ADCY7: variants seen among roughly 807,000 people sequenced by gnomAD.
The protein encoded by ADCY7 is adenylate cyclase 7, also known as adenylate cyclase type 7.
A neutral mutation model predicts 120.6 loss-of-function variants in ADCY7; 72 were observed. The ratio of observed to expected loss-of-function variants is 0.60; its 90% CI spans 0.49 to 0.73. ADCY7 has a LOEUF of 0.73. ADCY7 is among the 30% of genes least tolerant of loss of function. ADCY7 has a pLI of 0.00. For missense variants in ADCY7, 1,227 were observed against 1,486.0 expected (o/e 0.83, Z 2.87); for synonymous variants, 661 against 628.0 (o/e 1.05, Z -0.78).
Position 50,315,662 on chromosome 16 carries a change from T to C in ADCY7, c.*157T>C, listed in dbSNP as rs2036767994. 6.6e-6 allele frequency: 6 copies of C among 914,752 alleles called. No homozygotes were observed. Among genetic ancestry groups the C allele is most frequent in the Admixed American group, 5.7e-5 (2 of 35,362 alleles). The allele number at this position is 914,752 out of a possible 1,614,324, so 56.7% of individuals were successfully genotyped here. On this transcript the variant is annotated 3_prime_UTR_variant, in exon 26 of 26. Transcript: ENST00000673801. The stretch of plus-strand genomic sequence containing the variant: ...TGCACTGGAGGATTTCTCAGACACA[T>C]GCACCAGATTCTGGCTCGAAGCAGC...
rs1410523204 is a variant in ADCY7, at chr16:50,300,752, C to T, written c.1114C>T (p.Arg372Cys). 1.9e-6 allele frequency: 3 copies of T among 1,552,148 alleles called. No homozygotes were observed. Among genetic ancestry groups the T allele is most frequent in the Admixed American group, 2.0e-5 (1 of 51,054 alleles). The change falls in exon 9 of 26, where the codon CGT (arginine) becomes TGT (cysteine). Residue 372 changes from arginine to cysteine, a missense_variant. Physicochemically the swap from Arg to Cys is radical, Grantham distance 180. Coordinates refer to ENST00000673801, the MANE Select transcript of ADCY7 (RefSeq NM_001114.5). ...GGCCACGGGCGTGGACATCAACATG[C>T]GTGTGGGCATACACTCGGGGAATGT... is the stretch of plus-strand genomic sequence containing the variant. ...REATGVDINM[R>C]VGIHSGNVLC...
Position 50,298,916 on chromosome 16 carries a change from A to G in ADCY7, c.961A>G (p.Met321Val). 1 of 1,613,866 alleles carries G rather than the reference A, an allele frequency of 6.2e-7. No homozygotes were observed. The highest frequency in any genetic ancestry group is 8.5e-7 in the Non-Finnish European group (1 of 1,179,888). ...CCTCACCCTGCAGGCCAACGAGTGCATGCGAATCAAGATCCTCGGCGACTG... is the reference window on the plus strand; with the variant it reads ...CCTCACCCTGCAGGCCAACGAGTGCGTGCGAATCAAGATCCTCGGCGACTG... ...FDQIAKANEC[M>V]RIKILGDCYY... The change falls in exon 8 of 26, where the codon ATG (methionine) becomes GTG (valine). Residue 321 changes from methionine to valine, a missense_variant. Met to Val is a conservative substitution (Grantham distance 21). Transcript: ENST00000673801.
At chr16:50,281,819 G>T (rs1273024617) in intron 1 of ADCY7, among the ~76,000 whole-genome samples, 1 of 152,220 alleles carries the variant, frequency 6.6e-6, no homozygotes, top group Non-Finnish European at 1.5e-5. Flanking sequence ...GGTCAGGCTT[G>T]CACTGGGCAG....
intron 1 of ADCY7, among the ~76,000 whole-genome samples, chr16:50,284,129 G>T (rs751127): frequency 0.45 from 67,814 of 151,914 alleles, 15,993 homozygotes; most frequent in Middle Eastern, 0.56. Flanking sequence ...GCTTTGGCGG[G>T]GTGGCTCCTA....
At chr16:50,287,495 C>G (rs926872714) in intron 1 of ADCY7, among the ~76,000 whole-genome samples, 1 of 151,834 alleles carries the variant, frequency 6.6e-6, no homozygotes, top group East Asian at 2.0e-4. Flanking sequence ...CAAAACCACC[C>G]TGGGCAGCAG....
chr16:50,294,933 G>A (rs1026930539), intron 7 of ADCY7, among the ~76,000 whole-genome samples, 182 bp downstream of exon 7: 2 of 152,186 alleles, frequency 1.3e-5, no homozygotes, highest in East Asian at 3.8e-4. Context: ...GGCCACGGCA[G>A]CCAGGATCCT....
chr16:50,304,859 C>T (rs2035958540), intron 11 of ADCY7, 66 bp from the exon 12 acceptor site: 1 of 1,605,938 alleles, frequency 6.2e-7, no homozygotes, highest in Non-Finnish European at 8.5e-7. Context: ...GAACCTGGCC[C>T]AGCAGTGGCC....
At chr16:50,272,116 A>G (rs1213363590) in intron 1 of ADCY7, among the ~76,000 whole-genome samples, 2 of 151,434 alleles carry the variant, frequency 1.3e-5, no homozygotes, top group African/African-American at 2.4e-5. Context: ...CTCCCAGGGT[A>G]TCAGGACATG....
chr16:50,294,615 C>T (rs2302717), intron 6 of ADCY7, 25 bp from the exon 7 acceptor site: 304,525 of 1,083,388 alleles, frequency 0.28, 65,552 homozygotes, highest in East Asian at 0.8. Flanking sequence ...CTCTGACACT[C>T]CCTCCCACCC....
chr16:50,254,484 GCTAA>G (rs1186917223), intron 1 of ADCY7, among the ~76,000 whole-genome samples: 2 of 152,218 alleles, frequency 1.3e-5, no homozygotes, highest in Non-Finnish European at 2.9e-5. Context: ...CTGTATGTTA[GCTAA>G]CTATCTGAAA....
chr16:50,263,763 A>T (rs1440984111), upstream of ADCY7, among the ~76,000 whole-genome samples: 2 of 151,552 alleles, frequency 1.3e-5, no homozygotes, highest in Non-Finnish European at 2.9e-5. Flanking sequence ...ATTCCCCTGG[A>T]CTTGCCCTGC....
intron 10 of ADCY7, 97 bp downstream of exon 10, chr16:50,301,311 A>G: frequency 6.9e-7 from 1 of 1,447,934 alleles, no homozygotes; most frequent in Non-Finnish European, 9.2e-7. Flanking sequence ...CCCCATGTGG[A>G]GGGAGAGGTG....
At chr16:50,271,496 A>C (rs1054897346) in intron 1 of ADCY7, among the ~76,000 whole-genome samples, 1 of 152,182 alleles carries the variant, frequency 6.6e-6, no homozygotes, top group African/African-American at 2.4e-5. Flanking sequence ...ACTCTGTGTT[A>C]GGATGGGGTG....
Position 50,305,489 on chromosome 16 carries a change from G to C in ADCY7, c.1596-14G>C, listed in dbSNP as rs2035997797. The C allele has an allele frequency of 8.1e-6, 13 of 1,612,104 alleles. No homozygotes were observed. In the Admixed American group the frequency reaches 1.7e-4, roughly 21 times the overall value. ...GGTCGCTGTGCTGATGCAGTTGTGGGTATCTGATTCCAGAAGCATGTCCCC... is the reference window on the plus strand; with the variant it reads ...GGTCGCTGTGCTGATGCAGTTGTGGCTATCTGATTCCAGAAGCATGTCCCC... On this transcript the variant is annotated splice_polypyrimidine_tract_variant and intron_variant, in intron 12 of 25. Transcript: ENST00000673801.
intron 1 of ADCY7, among the ~76,000 whole-genome samples, chr16:50,248,713 A>C (rs2032664232): frequency 6.6e-6 from 1 of 152,242 alleles, no homozygotes; most frequent in African/African-American, 2.4e-5. Flanking sequence ...TAAATTTTCA[A>C]GAGCAGTTCT....
At chr16:50,294,584 T>G in intron 6 of ADCY7, 56 bp from the exon 7 acceptor site, 1 of 1,166,660 alleles carries the variant, frequency 8.6e-7, no homozygotes, top group Non-Finnish European at 1.2e-6. Flanking sequence ...GTGCTCCTGC[T>G]GCTGCTGTCT....
intron 10 of ADCY7, 43 bp downstream of exon 10, chr16:50,301,257 A>T: frequency 6.5e-7 from 1 of 1,547,152 alleles, no homozygotes; most frequent in Non-Finnish European, 8.7e-7. Context: ...ACCCGGAGGG[A>T]CTGGAGGGGC....
intron 1 of ADCY7, 93 bp from the exon 2 acceptor site, chr16:50,287,819 G>T (rs1227677826): frequency 1.2e-5 from 3 of 249,478 alleles, no homozygotes. Flanking sequence ...AATCAGACTT[G>T]GTGCTGTGAG....
intron 22 of ADCY7, 83 bp from the exon 23 acceptor site, chr16:50,313,861 TGGGTGGAGGGAACC>T (rs2036628176): frequency 1.1e-6 from 1 of 933,992 alleles, no homozygotes; most frequent in African/African-American, 1.6e-5. Context: ...GAGGCGGCGA[TGGGTGGAGGGAACC>T]CCACACCCTT....
Sources: gnomAD v4.1 joint callset for allele counts (sites outside exome capture counted in the v4.1 genomes callset) on GRCh38, gnomAD v4.1.1 for gene constraint, MANE v1.5 for transcripts, NCBI Gene and HGNC (gene_info 2026-07-23, HGNC 2026-07-21) for gene names.